Variants in ATP2B2 observed in about 807,000 individuals in gnomAD.
The protein encoded by ATP2B2 is ATPase plasma membrane Ca2+ transporting 2.
A neutral mutation model predicts 120.0 loss-of-function variants in ATP2B2; 15 were observed. The ratio of observed to expected loss-of-function variants is 0.12; its 90% CI spans 0.08 to 0.19. The LOEUF (loss-of-function observed/expected upper bound fraction) is 0.19. Among genes scored for constraint, ATP2B2 ranks in the 10% least tolerant of loss-of-function variants. ATP2B2 has a pLI of 1.00. For synonymous variants in ATP2B2, 694 were observed against 700.3 expected (o/e 0.99, Z 0.14); for missense variants, 1,045 against 1,719.8 (o/e 0.61, Z 6.94).
intron 2 of ATP2B2, among the ~76,000 whole-genome samples, chr3:10,441,550 G>T (rs2063667424): frequency 1.3e-5 from 2 of 152,134 alleles, no homozygotes; most frequent in Non-Finnish European, 2.9e-5. Context: ...TTTCCTGTCT[G>T]ACATCCTCTG....
intron 1 of ATP2B2, among the ~76,000 whole-genome samples, chr3:10,479,243 C>T (rs2125313437): frequency 6.7e-6 from 1 of 148,322 alleles, no homozygotes; most frequent in East Asian, 2.2e-4. Context: ...AAAGAAAACA[C>T]TCCCACATGT....
rs771586886 is a variant in ATP2B2, at chr3:10,386,476, G to A, written c.940+4C>T. 1.1e-5 allele frequency: 17 copies of A among 1,614,054 alleles called. No individual in the cohort carries two copies. In the South Asian group the frequency reaches 1.9e-4, roughly 18 times the overall value. On this transcript the variant is annotated splice_donor_region_variant and intron_variant, in intron 7 of 22. Transcript: ENST00000360273. Reference sequence around the variant, plus strand: ...CCATCTACCCTGAGGGTGTCTTACTGTACCTGGTAGCTGAAGGCCATCCCC... The same window carrying A: ...CCATCTACCCTGAGGGTGTCTTACTATACCTGGTAGCTGAAGGCCATCCCC...
In ATP2B2 at chr3:10,697,579, T is replaced by C. The variant is rs143921167; in HGVS notation, c.-460+10336A>G. ...TTTCTCCACGACATACCTCTGCCCA[T>C]CTCTGGGGCCTCTTCCTATGGATGT... On this transcript the variant is annotated intron_variant, in intron 1 of 21. Coordinates refer to the ATP2B2 transcript ENST00000646379. 1.7e-4 allele frequency among the ~76,000 whole-genome samples: 26 copies of C among 152,346 alleles called. No individual in the cohort carries two copies. The East Asian group carries it at 4.8e-3, about 28-fold the overall frequency.
chr3:10,340,719 A>G lies in ATP2B2; in HGVS notation c.2918-15T>C, dbSNP rs1351987990. The G allele has an allele frequency of 6.2e-7, 1 of 1,612,890 alleles. No individual in the cohort carries two copies. Among genetic ancestry groups the G allele is most frequent in the South Asian group, 1.1e-5 (1 of 91,036 alleles). On this transcript the variant is annotated splice_polypyrimidine_tract_variant and intron_variant, in intron 19 of 22. Coordinates refer to ENST00000360273, the MANE Select transcript of ATP2B2 (RefSeq NM_001001331.4). This position sits in a 1 kb window ranked among gnomAD's most constrained non-coding sequence, Gnocchi z 5.0. Reference sequence around the variant, plus strand: ...CATCTTCTCGCCTGCCAAGTGAGAGAGTGGGGCTGGGCTGAAGGCAGTGGT... The same window carrying G: ...CATCTTCTCGCCTGCCAAGTGAGAGGGTGGGGCTGGGCTGAAGGCAGTGGT...
intron 1 of ATP2B2, among the ~76,000 whole-genome samples, chr3:10,461,946 A>T (rs948271570): frequency 2.6e-5 from 4 of 152,012 alleles, no homozygotes; most frequent in Admixed American, 2.6e-4. Context: ...CCCACGGCTG[A>T]TGGCACCTCC....
intron 2 of ATP2B2, among the ~76,000 whole-genome samples, chr3:10,554,133 C>G (rs1249627631): frequency 1.3e-5 from 2 of 152,124 alleles, no homozygotes; most frequent in African/African-American, 2.4e-5. Flanking sequence ...AAAGAATTAA[C>G]CCCATGTATG....
intron 1 of ATP2B2, among the ~76,000 whole-genome samples, chr3:10,450,224 C>T (rs1291107271): frequency 6.6e-6 from 1 of 152,116 alleles, no homozygotes; most frequent in African/African-American, 2.4e-5. Context: ...ACACCCAGGC[C>T]CCATGCACCA....
At chr3:10,642,450 T>G (rs1189892297) in intron 1 of ATP2B2, among the ~76,000 whole-genome samples, 3 of 152,080 alleles carry the variant, frequency 2.0e-5, no homozygotes, top group African/African-American at 7.2e-5. Context: ...GCCTATAGTC[T>G]CTTGGAAGAA....
At position 10,342,948 on chromosome 3, in the gene ATP2B2, G is replaced by A. The variant is rs376590296; in HGVS notation, c.2721C>T (p.Ala907=). The change falls in exon 19 of 23, where the codon GCC becomes GCT. Residue 907 remains alanine (A), a synonymous_variant. Coordinates refer to ENST00000360273, the MANE Select transcript of ATP2B2 (RefSeq NM_001001331.4). This position sits in a 1 kb window ranked among gnomAD's most constrained non-coding sequence, Gnocchi z 4.4. ...ACITQDSPLK[A]VQMLWVNLIM... ...TGAGGTTCACCCAGAGCATCTGCAC[G>A]GCCTTCAGAGGGGAGTCCTGGGGAC... 48 of 1,613,668 alleles carry A rather than the reference G, an allele frequency of 3.0e-5. 1 individual carries two copies. In the South Asian group the frequency reaches 3.2e-4, roughly 11 times the overall value.
At chr3:10,515,036 A>C (rs942932612) in intron 3 of ATP2B2, among the ~76,000 whole-genome samples, 1 of 152,186 alleles carries the variant, frequency 6.6e-6, no homozygotes, top group African/African-American at 2.4e-5. Context: ...ATCTCTGTAA[A>C]CTGTAAGTAG....
At chr3:10,493,627 G>A (rs949558943) in intron 1 of ATP2B2, among the ~76,000 whole-genome samples, 5 of 152,180 alleles carry the variant, frequency 3.3e-5, no homozygotes, top group Admixed American at 2.0e-4. Context: ...AAGAACAGAC[G>A]ATTGAAAGGG....
At chr3:10,704,714 T>C (rs2071872051) in intron 1 of ATP2B2, among the ~76,000 whole-genome samples, 3 of 152,218 alleles carry the variant, frequency 2.0e-5, no homozygotes. Flanking sequence ...AAAGCTTCAA[T>C]AATTCCACTT....
chr3:10,634,413 A>T (rs1474763816), intron 1 of ATP2B2, among the ~76,000 whole-genome samples: 1 of 152,188 alleles, frequency 6.6e-6, no homozygotes, highest in African/African-American at 2.4e-5. Context: ...TCAGCCTTGG[A>T]GACATCCCCA....
rs185854052 is a variant in ATP2B2 at position 10,573,556 on chromosome 3, T to G, written c.-414-39423A>C. Among the ~76,000 whole-genome samples the G allele has an allele frequency of 5.3e-5, 8 of 152,344 alleles. No individual in the cohort carries two copies. In the East Asian group the frequency reaches 1.5e-3, roughly 29 times the overall value. ...AGATTTCTGGGGGAGCTTGTTGAAA[T>G]GCATATTCCTGTGTCCCCATCCAGG... On this transcript the variant is annotated intron_variant, in intron 2 of 21. Transcript: ENST00000646379.
At chr3:10,337,077 C>T (rs561761257) in intron 22 of ATP2B2, among the ~76,000 whole-genome samples, 6 of 152,276 alleles carry the variant, frequency 3.9e-5, no homozygotes, top group East Asian at 1.9e-4. Context: ...GGTCTGAAAC[C>T]GGCTTCCAGT....
At position 10,327,058 on chromosome 3, in the gene ATP2B2, A is replaced by C. The variant is rs2059870693; in HGVS notation, c.*1756T>G. On this transcript the variant is annotated 3_prime_UTR_variant, in exon 23 of 23. Transcript: ENST00000360273. ...AATGTCTTTTGCACTGTACAAGTTT[A>C]TGGAAAAAAGATCATATGCTGAAAA... 1 of 393,178 alleles carries C rather than the reference A, an allele frequency of 2.5e-6. No homozygotes were observed. The allele number at this position is 393,178 out of a possible 1,614,324, so 24.4% of individuals were successfully genotyped here. A position where few individuals can be genotyped will look rare whatever the true frequency, so the allele number is the denominator to read the frequency against.
At chr3:10,707,823 G>T (rs1273445900) in intron 1 of ATP2B2, 1 of 152,332 alleles carries the variant, frequency 6.6e-6, no homozygotes, top group East Asian at 1.9e-4. Context: ...GGGGCCGAGC[G>T]CCCGCGGAAG....
intron 2 of ATP2B2, among the ~76,000 whole-genome samples, chr3:10,590,114 G>A (rs1308468744): frequency 3.9e-5 from 6 of 152,212 alleles, no homozygotes; most frequent in African/African-American, 1.2e-4. Context: ...AAGGGACTAT[G>A]ATACATGCAA....
intron 1 of ATP2B2, among the ~76,000 whole-genome samples, chr3:10,471,948 G>T (rs1285198601): frequency 6.6e-6 from 1 of 151,778 alleles, no homozygotes; most frequent in Non-Finnish European, 1.5e-5. Flanking sequence ...GGGTGTGGTG[G>T]CGGGCGCCTG....
Sources: allele counts gnomAD v4.1 joint callset (sites outside exome capture counted in the v4.1 genomes callset), GRCh38; gene constraint gnomAD v4.1.1; non-coding constraint Gnocchi (gnomAD v3.1); transcripts MANE v1.5; gene names NCBI Gene and HGNC (gene_info 2026-07-23, HGNC 2026-07-21).